The following FAM78B variants were observed in gnomAD, a reference collection of about 807,000 sequenced individuals.
FAM78B encodes the protein protein FAM78B.
Under a neutral mutation model 20.0 loss-of-function variants are expected in FAM78B, and 10 were observed. The observed-to-expected ratio is 0.50, with a 90% confidence interval of 0.31 to 0.85. The LOEUF (loss-of-function observed/expected upper bound fraction) is 0.85. Ranked by LOEUF, FAM78B falls within the 40% of genes least tolerant of loss-of-function variation. The pLI is 0.05. For missense variants in FAM78B, 283 were observed against 345.0 expected (o/e 0.82, Z 1.42); for synonymous variants, 135 against 132.8 (o/e 1.02, Z -0.12).
downstream of FAM78B, among the ~76,000 whole-genome samples, chr1:166,056,266 G>A (rs1227961140): frequency 6.6e-6 from 1 of 150,792 alleles, no homozygotes; most frequent in Admixed American, 6.6e-5. Context: ...CTTTTGACTG[G>A]TGTGTGTGTG....
rs187002722 is a variant in FAM78B at position 166,093,000 on chromosome 1, A to G, written c.264-22237T>C. 1.8e-3 allele frequency among the ~76,000 whole-genome samples: 270 copies of G among 152,306 alleles called. No homozygotes were observed. The South Asian group carries it at 0.021, about 12-fold the overall frequency. On this transcript the variant is annotated intron_variant, in intron 1 of 1. Coordinates refer to ENST00000354422, the MANE Select transcript of FAM78B (RefSeq NM_001017961.5). ...AAACCTGGGTCTGAGCCCCAAACCT[A>G]CACTCACACAAATCCACTTATAACA...
At chr1:166,067,074 G>A (rs370065380), downstream of FAM78B, among the ~76,000 whole-genome samples, 259 of 152,232 alleles carry the variant, frequency 1.7e-3, 3 homozygotes, top group South Asian at 0.052. Flanking sequence ...TTTAAAGGAC[G>A]GATCCAATTG....
chr1:166,112,342 T>C (rs759678363), intron 1 of FAM78B, among the ~76,000 whole-genome samples: 1 of 152,222 alleles, frequency 6.6e-6, no homozygotes, highest in Non-Finnish European at 1.5e-5. Flanking sequence ...TTTTCATTTC[T>C]TGTGATCTTC....
intron 1 of FAM78B, among the ~76,000 whole-genome samples, chr1:166,145,067 A>C (rs1403532721): frequency 6.6e-6 from 1 of 152,174 alleles, no homozygotes; most frequent in African/African-American, 2.4e-5. Flanking sequence ...CAAAGAAGAC[A>C]GGTGGGAGGA....
At chr1:166,142,419 CACAG>C (rs1328504444) in intron 1 of FAM78B, among the ~76,000 whole-genome samples, 1 of 152,178 alleles carries the variant, frequency 6.6e-6, no homozygotes, top group African/African-American at 2.4e-5. Flanking sequence ...GCCTGAAGTC[CACAG>C]ACAGAGTCAG....
intron 1 of FAM78B, among the ~76,000 whole-genome samples, chr1:166,075,184 A>G (rs1007663071): frequency 1.3e-5 from 2 of 152,140 alleles, no homozygotes; most frequent in Non-Finnish European, 2.9e-5. Flanking sequence ...GAGTAATGAA[A>G]AAAGTAGGAT....
chr1:166,150,470 T>TGAAAAATCTCCTGAA (rs1349129810), intron 1 of FAM78B, among the ~76,000 whole-genome samples: 1 of 152,210 alleles, frequency 6.6e-6, no homozygotes, highest in African/African-American at 2.4e-5. Flanking sequence ...GAAAAACTCC[T>TGAAAAATCTCCTGAA]ACATTGCAAG....
At chr1:166,116,252 G>A (rs1246041852) in intron 1 of FAM78B, among the ~76,000 whole-genome samples, 4 of 152,130 alleles carry the variant, frequency 2.6e-5, no homozygotes, top group Non-Finnish European at 5.9e-5. Flanking sequence ...TGGCTTCTGG[G>A]CTCTTCATTC....
At chr1:166,139,060 G>A (rs770321175) in intron 1 of FAM78B, among the ~76,000 whole-genome samples, 24 of 152,098 alleles carry the variant, frequency 1.6e-4, no homozygotes, top group African/African-American at 2.4e-4. Context: ...TTCTCCGAAC[G>A]TACTCCAGAA....
intron 1 of FAM78B, among the ~76,000 whole-genome samples, chr1:166,159,469 G>A (rs751347942): frequency 1.3e-5 from 2 of 152,160 alleles, no homozygotes; most frequent in Non-Finnish European, 2.9e-5. Flanking sequence ...GAATTAGAAG[G>A]AAAGGGGATA....
chr1:166,109,475 G>C (rs1339434504), intron 1 of FAM78B, among the ~76,000 whole-genome samples: 1 of 152,040 alleles, frequency 6.6e-6, no homozygotes, highest in Non-Finnish European at 1.5e-5. Context: ...CCTCACTCCT[G>C]CAAGAATGGC....
intron 1 of FAM78B, among the ~76,000 whole-genome samples, chr1:166,071,573 CTAA>C (rs1194907376): frequency 1.1e-4 from 16 of 152,350 alleles, no homozygotes; most frequent in Admixed American, 6.5e-4. Context: ...TAGACTGTTG[CTAA>C]TAATAATTGC....
chr1:166,069,989 G>A lies in FAM78B; in HGVS notation c.*252C>T. Reference sequence around the variant, plus strand: ...TCATCCTGGTCAGCTCCAAAATATGGCTACTTGCATGGTAATCACAGCAAG... The same window carrying A: ...TCATCCTGGTCAGCTCCAAAATATGACTACTTGCATGGTAATCACAGCAAG... On this transcript the variant is annotated 3_prime_UTR_variant, in exon 2 of 2. Coordinates refer to ENST00000354422, the MANE Select transcript of FAM78B (RefSeq NM_001017961.5). 8.3e-7 allele frequency: 1 copy of A among 1,203,288 alleles called. No homozygotes were observed. Among genetic ancestry groups the A allele is most frequent in the Non-Finnish European group, 1.0e-6 (1 of 968,986 alleles). 74.5% of individuals were successfully genotyped at this position (1,203,288 alleles called of 1,614,324 possible). A position where few individuals can be genotyped will look rare whatever the true frequency, so the allele number is the denominator to read the frequency against.
chr1:166,098,832 G>A (rs1016482362), intron 1 of FAM78B, among the ~76,000 whole-genome samples: 1 of 152,092 alleles, frequency 6.6e-6, no homozygotes, highest in Non-Finnish European at 1.5e-5. Context: ...GAATAATCAA[G>A]GAAAACTTCC....
At chr1:166,063,198 C>T (rs1012303178) in intron 2 of FAM78B, among the ~76,000 whole-genome samples, 2 of 152,246 alleles carry the variant, frequency 1.3e-5, no homozygotes, top group South Asian at 2.1e-4. Context: ...TTCCTGTTGG[C>T]ATTGTCTCCC....
intron 1 of FAM78B, among the ~76,000 whole-genome samples, chr1:166,098,386 G>T (rs1402917402): frequency 6.6e-6 from 1 of 152,064 alleles, no homozygotes; most frequent in African/African-American, 2.4e-5. Context: ...TCCAAACGAA[G>T]AAGAAACACC....
intron 1 of FAM78B, among the ~76,000 whole-genome samples, chr1:166,072,042 A>G (rs548674321): frequency 3.3e-5 from 5 of 152,306 alleles, no homozygotes; most frequent in Admixed American, 1.3e-4. Flanking sequence ...AATTAAAGAG[A>G]TGAGACTGCT....
At chr1:166,158,331 C>T (rs184192946) in intron 1 of FAM78B, among the ~76,000 whole-genome samples, 25 of 152,152 alleles carry the variant, frequency 1.6e-4, no homozygotes, top group Non-Finnish European at 3.2e-4. Flanking sequence ...CTCAAATAGA[C>T]GGATAGATAA....
chr1:166,114,872 C>T (rs1377105326), intron 1 of FAM78B, among the ~76,000 whole-genome samples: 2 of 152,222 alleles, frequency 1.3e-5, no homozygotes, highest in Admixed American at 6.5e-5. Context: ...AGTTAGACTA[C>T]ATCTGATGCA....
Sources: allele counts gnomAD v4.1 joint callset (sites outside exome capture counted in the v4.1 genomes callset), GRCh38; gene constraint gnomAD v4.1.1; transcripts MANE v1.5; gene names NCBI Gene and HGNC (gene_info 2026-07-23, HGNC 2026-07-21).